Variants in SLC25A14 observed in about 807,000 individuals in gnomAD.
SLC25A14 encodes solute carrier family 25 member 14.
SLC25A14 carries 8 observed loss-of-function variants against 28.1 expected under a neutral mutation model. That is an observed-to-expected ratio of 0.28 (90% CI 0.17 to 0.51). The LOEUF (loss-of-function observed/expected upper bound fraction) is 0.51, where lower values mean the gene tolerates loss of function less well. Ranked by LOEUF, SLC25A14 falls within the 20% of genes least tolerant of loss-of-function variation. The probability of loss-of-function intolerance (pLI) is 0.97; values close to 1 mark genes in which losing one functional copy is unlikely to be tolerated. For missense variants in SLC25A14, 135 were observed against 263.8 expected (o/e 0.51, Z 3.38); for synonymous variants, 74 against 90.6 (o/e 0.82, Z 1.04).
intron 7 of SLC25A14, 167 bp downstream of exon 7, chrX:130,358,902 C>G (rs1163858078): frequency 5.8e-6 from 4 of 685,312 alleles, no homozygotes; most frequent in Non-Finnish European, 9.0e-6. Context: ...CCTTTTATTT[C>G]TGCATAATGT....
rs1156573292 is a variant in SLC25A14 at position 130,362,964 on chromosome X, C to T, written c.595-1664C>T. On this transcript the variant is annotated intron_variant, in intron 7 of 10. Transcript: ENST00000545805. ...TTAAACCTGAAAGCTCTCTTCTCCC[C>T]ACTGATTTTTGCTTCATGATTTTAT... Among the ~76,000 whole-genome samples the T allele has an allele frequency of 2.7e-5, 3 of 112,389 alleles. No individual in the cohort carries two copies. In the Admixed American group the frequency reaches 2.8e-4, roughly 11 times the overall value.
intron 7 of SLC25A14, among the ~76,000 whole-genome samples, chrX:130,361,639 G>A (rs2033968432): frequency 8.9e-6 from 1 of 111,997 alleles, no homozygotes; most frequent in Non-Finnish European, 1.9e-5. Flanking sequence ...CAATAACAAA[G>A]TATAACTAGC....
intron 3 of SLC25A14, 84 bp downstream of exon 3, chrX:130,345,359 TAA>T: frequency 1.6e-6 from 1 of 613,194 alleles, no homozygotes; most frequent in South Asian, 2.9e-5. Flanking sequence ...GAAAGCTAGG[TAA>T]AAAATAAGAA....
intron 9 of SLC25A14, among the ~76,000 whole-genome samples, chrX:130,368,946 A>G (rs1234444123): frequency 2.7e-5 from 3 of 112,650 alleles, no homozygotes; most frequent in African/African-American, 6.5e-5. Flanking sequence ...ACTTGCTACT[A>G]AAAAATTTTA....
intron 6 of SLC25A14, among the ~76,000 whole-genome samples, chrX:130,351,240 C>G (rs983258366): frequency 1.1e-4 from 12 of 111,686 alleles, no homozygotes; most frequent in African/African-American, 3.2e-4. Context: ...ACCTGGGATG[C>G]CAAACAGAGG....
At chrX:130,354,290 C>T (rs1255627646) in intron 6 of SLC25A14, among the ~76,000 whole-genome samples, 5 of 109,823 alleles carry the variant, frequency 4.6e-5, no homozygotes, top group African/African-American at 1.7e-4. Flanking sequence ...ATTTTTTGTA[C>T]TTTTAGTAGA....
chrX:130,358,453 A>G (rs1329310569), intron 6 of SLC25A14, among the ~76,000 whole-genome samples, 187 bp from the exon 7 acceptor site: 1 of 112,409 alleles, frequency 8.9e-6, no homozygotes, highest in African/African-American at 3.2e-5. Flanking sequence ...ATACACTTTG[A>G]CACAAATTCT....
At chrX:130,369,299 A>G (rs2034207396) in intron 9 of SLC25A14, among the ~76,000 whole-genome samples, 1 of 111,135 alleles carries the variant, frequency 9.0e-6, no homozygotes, top group Non-Finnish European at 1.9e-5. Context: ...TAAAAAAAAA[A>G]AGATCCAGAT....
intron 9 of SLC25A14, among the ~76,000 whole-genome samples, chrX:130,368,932 A>G (rs1455204781): frequency 2.7e-5 from 3 of 112,313 alleles, no homozygotes; most frequent in Non-Finnish European, 3.8e-5. Context: ...TCACTCATTT[A>G]CTCACTTGCT....
At chrX:130,349,639 C>T (rs2033563065) in intron 5 of SLC25A14, 3 of 149,777 alleles carry the variant, frequency 2.0e-5, no homozygotes, top group Non-Finnish European at 3.9e-5. Context: ...AAGAGGACTT[C>T]AACTGTAAGG....
rs764640101 is a variant in SLC25A14 at position 130,364,751 on chromosome X, G to A, written c.718G>A (p.Val240Ile). ...MMGDTILTHF[V>I]SSFTCGLAGA... ...GGGCGATACAATTTTAACTCACTTC[G>A]TGTAAGTAGGATGGGATGTGCTCAT... Residue 240 changes from valine to isoleucine, a missense_variant and splice_region_variant, in exon 8 of 11, where the codon GTT becomes ATT. Coordinates refer to ENST00000545805, the MANE Select transcript of SLC25A14 (RefSeq NM_001282195.2). The A allele has an allele frequency of 1.1e-5, 13 of 1,202,770 alleles. No individual in the cohort carries two copies. The highest frequency in any genetic ancestry group is 1.8e-5 in the South Asian group (1 of 56,747).
chrX:130,348,706 C>T (rs2033521399), intron 4 of SLC25A14, among the ~76,000 whole-genome samples: 1 of 96,068 alleles, frequency 1.0e-5, no homozygotes, highest in Admixed American at 1.1e-4. Flanking sequence ...TTTTCTTTTG[C>T]TTGCTTTGGG....
At chrX:130,350,417 T>C (rs1026660285) in intron 5 of SLC25A14, among the ~76,000 whole-genome samples, 1 of 111,877 alleles carries the variant, frequency 8.9e-6, no homozygotes, top group African/African-American at 3.2e-5. Flanking sequence ...CAGTGTCCTT[T>C]AGAAATAATG....
chrX:130,364,504 A>C, intron 7 of SLC25A14, 124 bp from the exon 8 acceptor site: 1 of 400,651 alleles, frequency 2.5e-6, no homozygotes, highest in South Asian at 5.1e-5. Context: ...GATTTGAAAG[A>C]GTGACGTCTG....
intron 6 of SLC25A14, among the ~76,000 whole-genome samples, chrX:130,353,268 C>T (rs916169893): frequency 9.0e-6 from 1 of 111,638 alleles, no homozygotes; most frequent in Non-Finnish European, 1.9e-5. Context: ...GCAGACAACC[C>T]CACCTCCTAT....
intron 10 of SLC25A14, 27 bp from the exon 11 acceptor site, chrX:130,372,882 G>A: frequency 9.0e-7 from 1 of 1,109,137 alleles, no homozygotes; most frequent in Non-Finnish European, 1.2e-6. Context: ...ATATCAACCT[G>A]GTGATCTTCC....
chrX:130,361,744 CCTT>C (rs1252471140), intron 7 of SLC25A14, among the ~76,000 whole-genome samples: 1 of 112,088 alleles, frequency 8.9e-6, no homozygotes, highest in Non-Finnish European at 1.9e-5. Context: ...GACAGCTACT[CCTT>C]AGCTCCAGCC....
At chrX:130,364,775 A>G (rs894826133) in intron 8 of SLC25A14, 23 bp downstream of exon 8, 2 of 1,195,284 alleles carry the variant, frequency 1.7e-6, no homozygotes, top group Non-Finnish European at 2.3e-6. Context: ...GGATGTGCTC[A>G]TTTTATTTCC....
In SLC25A14 at chrX:130,366,280, C is replaced by T. The variant is rs763737867; in HGVS notation, c.855+604C>T. On this transcript the variant is annotated intron_variant, in intron 9 of 10. Transcript: ENST00000545805. ...AGAAATTACAGTTATTACAAAAGTA[C>T]TATAGGTATACAAACGGATCATCAG... Among the ~76,000 whole-genome samples, 3 of 112,315 alleles carry T rather than the reference C, an allele frequency of 2.7e-5. No homozygotes were observed. In the South Asian group the frequency reaches 1.1e-3, roughly 41 times the overall value.
Sources: allele counts gnomAD v4.1 joint callset (sites outside exome capture counted in the v4.1 genomes callset), GRCh38; gene constraint gnomAD v4.1.1; transcripts MANE v1.5; gene names NCBI Gene and HGNC (gene_info 2026-07-23, HGNC 2026-07-21).